FBXL7: variants seen among roughly 807,000 people sequenced by gnomAD.
FBXL7 encodes the protein F-box/LRR-repeat protein 7.
In FBXL7, 12 loss-of-function variants were observed where a neutral mutation model predicts 38.3. The ratio of observed to expected loss-of-function variants is 0.31; its 90% CI spans 0.20 to 0.51. The LOEUF (loss-of-function observed/expected upper bound fraction) is 0.51, where lower values mean the gene tolerates loss of function less well. Among genes scored for constraint, FBXL7 ranks in the 20% least tolerant of loss-of-function variants. The probability of loss-of-function intolerance (pLI) is 0.98; values close to 1 mark genes in which losing one functional copy is unlikely to be tolerated. For synonymous variants in FBXL7, 297 were observed against 300.9 expected (o/e 0.99, Z 0.13); for missense variants, 567 against 676.4 (o/e 0.84, Z 1.79).
chr5:15,729,156 G>A (rs1204056703), intron 2 of FBXL7, among the ~76,000 whole-genome samples: 2 of 152,128 alleles, frequency 1.3e-5, no homozygotes, highest in African/African-American at 4.8e-5. Context: ...TTCCCCACTA[G>A]ACATAACAAG....
intron 2 of FBXL7, among the ~76,000 whole-genome samples, chr5:15,685,980 C>CG (rs1554014539): frequency 6.6e-6 from 1 of 152,084 alleles, no homozygotes; most frequent in Admixed American, 6.5e-5. Flanking sequence ...ACAACAGTCC[C>CG]GGGGGGAGAC....
At chr5:15,875,465 C>T (rs2126305906) in intron 2 of FBXL7, among the ~76,000 whole-genome samples, 1 of 152,238 alleles carries the variant, frequency 6.6e-6, no homozygotes, top group South Asian at 2.1e-4. Context: ...AGTGAACAGG[C>T]AACCTACAGA....
intron 1 of FBXL7, among the ~76,000 whole-genome samples, chr5:15,519,444 CAAA>C (rs75322019): frequency 9.9e-5 from 13 of 131,010 alleles, no homozygotes; most frequent in African/African-American, 3.3e-4. Context: ...ACTTAGAAAA[CAAA>C]AAAAAAAAAC....
At chr5:15,595,685 G>A (rs1026862191) in intron 1 of FBXL7, among the ~76,000 whole-genome samples, 1 of 152,112 alleles carries the variant, frequency 6.6e-6, no homozygotes, top group African/African-American at 2.4e-5. Context: ...AGAACACTGA[G>A]GCAGAGAGTT....
chr5:15,807,497 T>G (rs1220792337), intron 2 of FBXL7, among the ~76,000 whole-genome samples: 2 of 152,138 alleles, frequency 1.3e-5, no homozygotes, highest in African/African-American at 4.8e-5. Flanking sequence ...GGAGAGATCA[T>G]GCAGGGACAA....
At chr5:15,593,263 C>G (rs1297318608) in intron 1 of FBXL7, among the ~76,000 whole-genome samples, 4 of 152,086 alleles carry the variant, frequency 2.6e-5, no homozygotes, top group Non-Finnish European at 5.9e-5. Context: ...GTGGCTCACA[C>G]CTATAATCCC....
chr5:15,573,688 G>T (rs1437835564), intron 1 of FBXL7, among the ~76,000 whole-genome samples: 1 of 152,182 alleles, frequency 6.6e-6, no homozygotes, highest in African/African-American at 2.4e-5. Flanking sequence ...TGTTGTTAGG[G>T]AATGCTCGGG....
intron 2 of FBXL7, among the ~76,000 whole-genome samples, chr5:15,855,670 A>G (rs1380545413): frequency 2.0e-5 from 3 of 152,216 alleles, no homozygotes; most frequent in African/African-American, 2.4e-5. Context: ...AAACAGCTTC[A>G]TAAGCAGATA....
At chr5:15,537,761 C>T (rs896068582) in intron 1 of FBXL7, among the ~76,000 whole-genome samples, 3 of 152,176 alleles carry the variant, frequency 2.0e-5, no homozygotes, top group Non-Finnish European at 4.4e-5. Context: ...GATTATTTCT[C>T]AAAGACCTAA....
intron 2 of FBXL7, among the ~76,000 whole-genome samples, chr5:15,797,515 G>A (rs573845925): frequency 6.6e-6 from 1 of 152,310 alleles, no homozygotes; most frequent in East Asian, 1.9e-4. Flanking sequence ...TTGTTCCATA[G>A]GACGTAGCTC....
intron 1 of FBXL7, among the ~76,000 whole-genome samples, chr5:15,543,316 T>G (rs1465108685): frequency 6.6e-6 from 1 of 152,078 alleles, no homozygotes; most frequent in Non-Finnish European, 1.5e-5. Flanking sequence ...TATAAAACCA[T>G]CATATCTGTG....
intron 2 of FBXL7, among the ~76,000 whole-genome samples, chr5:15,862,895 C>A (rs1298650725): frequency 3.3e-5 from 5 of 152,220 alleles, no homozygotes; most frequent in African/African-American, 9.6e-5. Flanking sequence ...TACTCCCTAT[C>A]CTATGCCACA....
intron 1 of FBXL7, among the ~76,000 whole-genome samples, chr5:15,589,550 T>C (rs542586153): frequency 8.5e-5 from 13 of 152,328 alleles, no homozygotes; most frequent in East Asian, 3.9e-4. Context: ...CTCTTTTCTT[T>C]ATAAACTACC....
At chr5:15,582,600 T>G (rs945703420) in intron 1 of FBXL7, among the ~76,000 whole-genome samples, 1 of 152,226 alleles carries the variant, frequency 6.6e-6, no homozygotes, top group African/African-American at 2.4e-5. Context: ...TTCCATGTTA[T>G]TCTTCCTCAT....
intron 2 of FBXL7, among the ~76,000 whole-genome samples, chr5:15,797,456 C>G (rs565768614): frequency 6.6e-6 from 1 of 152,312 alleles, no homozygotes; most frequent in South Asian, 2.1e-4. Context: ...GTACTGCTTT[C>G]TGAGACCAGT....
intron 2 of FBXL7, among the ~76,000 whole-genome samples, chr5:15,799,508 A>C (rs894138946): frequency 2.0e-5 from 3 of 151,930 alleles, no homozygotes; most frequent in African/African-American, 7.2e-5. Flanking sequence ...GATTACAGGC[A>C]TGCGCCACCA....
intron 2 of FBXL7, among the ~76,000 whole-genome samples, chr5:15,818,756 G>C (rs1738091224): frequency 6.8e-6 from 1 of 147,334 alleles, no homozygotes; most frequent in African/African-American, 2.5e-5. Context: ...GAGAGAGAGA[G>C]ATTTAAAATT....
intron 2 of FBXL7, among the ~76,000 whole-genome samples, chr5:15,646,080 T>A (rs953987070): frequency 6.6e-6 from 1 of 152,162 alleles, no homozygotes; most frequent in African/African-American, 2.4e-5. Context: ...CCAACCTCTC[T>A]GATTCTCAGT....
At chr5:15,710,029 T>C (rs1027469816) in intron 2 of FBXL7, among the ~76,000 whole-genome samples, 2 of 152,168 alleles carry the variant, frequency 1.3e-5, no homozygotes, top group African/African-American at 4.8e-5. Context: ...GACAAATACA[T>C]TCTACTTTAA....
Sources: allele counts gnomAD v4.1 joint callset (sites outside exome capture counted in the v4.1 genomes callset), GRCh38; gene constraint gnomAD v4.1.1; transcripts MANE v1.5; gene names NCBI Gene and HGNC (gene_info 2026-07-23, HGNC 2026-07-21).